Variants in TXK observed in about 807,000 individuals in gnomAD.
TXK encodes the protein tyrosine-protein kinase TXK.
TXK carries 60 observed loss-of-function variants against 81.0 expected under a neutral mutation model. The ratio of observed to expected loss-of-function variants is 0.74; its 90% CI spans 0.60 to 0.92. TXK has a LOEUF of 0.92. Ranked by LOEUF, TXK falls within the 40% of genes least tolerant of loss-of-function variation. TXK has a pLI of 0.00. For missense variants in TXK, 581 were observed against 638.3 expected (o/e 0.91, Z 0.97); for synonymous variants, 203 against 210.7 (o/e 0.96, Z 0.32).
rs757847905 is a variant in TXK, at chr4:48,112,292, ATGTAAG to A, written c.380+9_380+14del. The A allele has an allele frequency of 1.3e-4, 217 of 1,611,592 alleles. No individual in the cohort carries two copies. The highest frequency in any genetic ancestry group is 1.8e-4 in the Non-Finnish European group (210 of 1,177,830). On this transcript the variant is annotated intron_variant, in intron 4 of 14. Coordinates refer to ENST00000264316, the MANE Select transcript of TXK (RefSeq NM_003328.3). ...GGAAGAATTGGATACTGACTAAGTCATGTAAGTGTCTTACCCCAAACGGTCTCTTGC... is the reference window on the plus strand; with the variant it reads ...GGAAGAATTGGATACTGACTAAGTCATGTCTTACCCCAAACGGTCTCTTGC...
At chr4:48,107,004 A>T (rs1047021889) in intron 5 of TXK, among the ~76,000 whole-genome samples, 1 of 152,146 alleles carries the variant, frequency 6.6e-6, no homozygotes, top group Non-Finnish European at 1.5e-5. Context: ...AGACTTGCAT[A>T]GGGCTTATTA....
At chr4:48,095,883 A>G (rs973865324) in intron 6 of TXK, among the ~76,000 whole-genome samples, 1 of 152,256 alleles carries the variant, frequency 6.6e-6, no homozygotes, top group Non-Finnish European at 1.5e-5. Context: ...TTGCTTTCAA[A>G]GAATCTTGAA....
rs144930738 is a variant in TXK at position 48,107,753 on chromosome 4, C to A, written c.446+2785G>T. On this transcript the variant is annotated intron_variant, in intron 5 of 14. Coordinates refer to ENST00000264316, the MANE Select transcript of TXK (RefSeq NM_003328.3). Reference sequence around the variant, plus strand: ...CGCCCCAGGCTCCAGTGTATCATAACACTACGATTTAAAATTGTACATTTA... The same window carrying A: ...CGCCCCAGGCTCCAGTGTATCATAAAACTACGATTTAAAATTGTACATTTA... Among the ~76,000 whole-genome samples, 424 of 151,936 alleles carry A rather than the reference C, an allele frequency of 2.8e-3. 4 individuals are homozygous for A. The highest frequency in any genetic ancestry group is 9.9e-3 in the African/African-American group (409 of 41,406).
intron 6 of TXK, among the ~76,000 whole-genome samples, chr4:48,096,654 C>A (rs1717992703): frequency 6.6e-6 from 1 of 151,992 alleles, no homozygotes; most frequent in Admixed American, 6.6e-5. Context: ...TCAGCCTCCC[C>A]AGTAGCTGGA....
At chr4:48,076,093 T>C (rs1717058751) in intron 12 of TXK, among the ~76,000 whole-genome samples, 1 of 152,226 alleles carries the variant, frequency 6.6e-6, no homozygotes, top group East Asian at 1.9e-4. Context: ...CATAAACATA[T>C]GTATATCAGG....
chr4:48,089,854 G>T (rs775307307), intron 8 of TXK, 30 bp from the exon 9 acceptor site: 12 of 1,494,754 alleles, frequency 8.0e-6, no homozygotes, highest in Non-Finnish European at 1.0e-5. Flanking sequence ...AATATTTCAA[G>T]CCTAGTTGCT....
At chr4:48,127,393 C>T (rs898056205) in intron 1 of TXK, among the ~76,000 whole-genome samples, 1 of 152,206 alleles carries the variant, frequency 6.6e-6, no homozygotes, top group African/African-American at 2.4e-5. Flanking sequence ...AAATAGACAG[C>T]GCCCTTCCAC....
intron 6 of TXK, among the ~76,000 whole-genome samples, chr4:48,097,784 GTTGC>G (rs1718040640): frequency 8.0e-6 from 1 of 124,404 alleles, no homozygotes; most frequent in Non-Finnish European, 1.7e-5. Flanking sequence ...GTCTCGCGCT[GTTGC>G]CCGGGCTGGA....
At position 48,113,110 on chromosome 4, in the gene TXK, G is replaced by GGC; in HGVS notation, c.174+96_174+97insGC. ...TGAGCACTTATTTTATGCCAAGCAG[G>GGC]ATACTAGATTCTGGGCAACAAACAG... On this transcript the variant is annotated intron_variant, in intron 3 of 14. Transcript: ENST00000264316. 4 of 745,980 alleles carry GGC rather than the reference G, an allele frequency of 5.4e-6. No homozygotes were observed. In the South Asian group the frequency reaches 6.2e-5, roughly 11 times the overall value. 46.2% of individuals were successfully genotyped at this position (745,980 alleles called of 1,614,324 possible).
chr4:48,070,379 T>C (rs1394192533), intron 14 of TXK, among the ~76,000 whole-genome samples: 1 of 152,192 alleles, frequency 6.6e-6, no homozygotes, highest in Non-Finnish European at 1.5e-5. Context: ...TCCATTCCTA[T>C]TCTAGTTTAA....
chr4:48,085,689 A>C (rs889955525), intron 10 of TXK, among the ~76,000 whole-genome samples: 5 of 152,148 alleles, frequency 3.3e-5, no homozygotes, highest in Admixed American at 3.3e-4. Context: ...AGAGCAGTGC[A>C]GCAGAGAAGA....
At chr4:48,068,247 A>G (rs1172860359) in intron 14 of TXK, among the ~76,000 whole-genome samples, 1 of 152,200 alleles carries the variant, frequency 6.6e-6, no homozygotes, top group Non-Finnish European at 1.5e-5. Flanking sequence ...CTAGGACACC[A>G]CGACCCTAGA....
chr4:48,070,546 C>T (rs1716799373), intron 14 of TXK, among the ~76,000 whole-genome samples: 1 of 152,094 alleles, frequency 6.6e-6, no homozygotes, highest in African/African-American at 2.4e-5. Context: ...CCTTAGTTTC[C>T]ACCATTAATT....
intron 4 of TXK, 91 bp from the exon 5 acceptor site, chr4:48,110,694 G>C: frequency 3.3e-6 from 3 of 917,566 alleles, no homozygotes; most frequent in South Asian, 3.0e-5. Flanking sequence ...AAGGATGTAG[G>C]GGGGAAATCA....
At chr4:48,073,824 C>T (rs1716957001) in intron 13 of TXK, 111 bp downstream of exon 13, 1 of 752,522 alleles carries the variant, frequency 1.3e-6, no homozygotes, top group Admixed American at 2.5e-5. Context: ...AGCACAATTA[C>T]AAGAAGACTT....
At chr4:48,114,531 G>T in intron 1 of TXK, 129 bp from the exon 2 acceptor site, 2 of 922,850 alleles carry the variant, frequency 2.2e-6, no homozygotes, top group Non-Finnish European at 3.4e-6. Flanking sequence ...TCCTTCACTA[G>T]TGGAAGACAA....
At chr4:48,101,945 G>A (rs899221423) in intron 6 of TXK, among the ~76,000 whole-genome samples, 5 of 151,848 alleles carry the variant, frequency 3.3e-5, no homozygotes, top group South Asian at 2.1e-4. Context: ...AGAAAAGATC[G>A]GTATTCAAAA....
At chr4:48,079,747 T>C (rs571394205) in intron 11 of TXK, among the ~76,000 whole-genome samples, 165 bp downstream of exon 11, 3 of 152,250 alleles carry the variant, frequency 2.0e-5, no homozygotes, top group Admixed American at 2.0e-4. Flanking sequence ...ACAGCATCAA[T>C]GGACAATTGA....
At chr4:48,100,043 G>T (rs1342204934) in intron 6 of TXK, among the ~76,000 whole-genome samples, 1 of 151,188 alleles carries the variant, frequency 6.6e-6, no homozygotes, top group African/African-American at 2.4e-5. Context: ...GCAGTGGCGG[G>T]CGCCTGTAGT....
Sources: gnomAD v4.1 joint callset for allele counts (sites outside exome capture counted in the v4.1 genomes callset) on GRCh38, gnomAD v4.1.1 for gene constraint, MANE v1.5 for transcripts, NCBI Gene and HGNC (gene_info 2026-07-23, HGNC 2026-07-21) for gene names.